PCDH15: variants seen among roughly 807,000 people sequenced by gnomAD.
PCDH15 encodes protocadherin-15.
PCDH15 carries 129 observed loss-of-function variants against 178.5 expected under a neutral mutation model. That is an observed-to-expected ratio of 0.72 (90% CI 0.63 to 0.84). PCDH15 has a LOEUF of 0.84. Among genes scored for constraint, PCDH15 ranks in the 40% least tolerant of loss-of-function variants. The probability of loss-of-function intolerance (pLI) is 0.00; values close to 1 mark genes in which losing one functional copy is unlikely to be tolerated. For missense variants in PCDH15, 2,230 were observed against 2,099.9 expected, an observed-to-expected ratio of 1.06 and a Z score of -1.21; for synonymous variants, 800 against 732.0, an observed-to-expected ratio of 1.09 and a Z score of -1.50.
At chr10:55,097,856 T>A (rs545080827) in intron 2 of PCDH15, among the ~76,000 whole-genome samples, 3 of 152,264 alleles carry the variant, frequency 2.0e-5, no homozygotes, top group African/African-American at 7.2e-5. Flanking sequence ...CTTTAAAGAC[T>A]GACTTTCATC....
chr10:55,245,431 T>C (rs949235281), intron 1 of PCDH15, among the ~76,000 whole-genome samples: 9 of 152,182 alleles, frequency 5.9e-5, no homozygotes, highest in South Asian at 2.1e-4. Context: ...TTAACTACCA[T>C]TGAGCTATTG....
At chr10:54,971,272 C>T (rs1230332405) in intron 2 of PCDH15, among the ~76,000 whole-genome samples, 1 of 152,060 alleles carries the variant, frequency 6.6e-6, no homozygotes, top group Non-Finnish European at 1.5e-5. Context: ...TGAGAGCAAG[C>T]CATCATGGTT....
intron 2 of PCDH15, among the ~76,000 whole-genome samples, chr10:54,921,685 G>T (rs1432901417): frequency 1.3e-5 from 2 of 152,136 alleles, no homozygotes. Context: ...TGGCTGCATA[G>T]TATTCCATAA....
chr10:54,482,491 A>G (rs1182775381), intron 3 of PCDH15, among the ~76,000 whole-genome samples: 1 of 151,774 alleles, frequency 6.6e-6, no homozygotes, highest in Non-Finnish European at 1.5e-5. Flanking sequence ...TAGAGAGTGT[A>G]TTTATTTAGA....
intron 2 of PCDH15, among the ~76,000 whole-genome samples, chr10:55,062,559 A>T (rs1417256650): frequency 5.9e-5 from 9 of 152,188 alleles, no homozygotes; most frequent in Admixed American, 5.9e-4. Flanking sequence ...CAGTGAAATG[A>T]TCAGTAATTG....
chr10:54,743,818 GA>G (rs60531822), intron 1 of PCDH15, among the ~76,000 whole-genome samples: 5,466 of 148,070 alleles, frequency 0.037, 341 homozygotes, highest in African/African-American at 0.13. Flanking sequence ...TTAGAAAAAA[GA>G]AAAAAAAAGA....
At chr10:54,672,430 T>C (rs939408108) in intron 1 of PCDH15, among the ~76,000 whole-genome samples, 1 of 152,092 alleles carries the variant, frequency 6.6e-6, no homozygotes, top group African/African-American at 2.4e-5. Context: ...TAACAAGATA[T>C]CACTTTATTG....
chr10:54,123,635 T>C (rs1197233739), intron 15 of PCDH15, among the ~76,000 whole-genome samples: 1 of 152,000 alleles, frequency 6.6e-6, no homozygotes, highest in African/African-American at 2.4e-5. Context: ...GAACTAAAAA[T>C]AGAACTACCA....
At chr10:54,090,885 G>A (rs74575294) in intron 15 of PCDH15, among the ~76,000 whole-genome samples, 1 of 152,214 alleles carries the variant, frequency 6.6e-6, no homozygotes, top group African/African-American at 2.4e-5. Context: ...CAATACAAAT[G>A]TTAATAGATG....
In PCDH15 at chr10:53,812,870, G is replaced by A. The variant is rs572251978; in HGVS notation, c.4492-1251C>T. 2.6e-5 allele frequency among the ~76,000 whole-genome samples: 4 copies of A among 152,196 alleles called. No homozygotes were observed. The East Asian group carries it at 7.7e-4, about 29-fold the overall frequency. On this transcript the variant is annotated intron_variant, in intron 35 of 37. Coordinates refer to ENST00000644397, the MANE Select transcript of PCDH15 (RefSeq NM_001384140.1). ...TTATTTATAAAAATTTAATTTTGTT[G>A]ATCCAGGAATAGTAATGAGTCAGGA...
chr10:54,040,963 C>T (rs1053322373), intron 18 of PCDH15, among the ~76,000 whole-genome samples: 38 of 152,084 alleles, frequency 2.5e-4, no homozygotes, highest in African/African-American at 8.9e-4. Flanking sequence ...CCTTTTGGAT[C>T]TCACATGAAT....
At chr10:55,431,516 T>G (rs1334525) in intron 2 of PCDH15, among the ~76,000 whole-genome samples, 116,974 of 152,084 alleles carry the variant, frequency 0.77, 46,281 homozygotes, top group East Asian at 1. Context: ...CTTAAAAACT[T>G]TAGCTAATTG....
chr10:55,600,396 G>A (rs766405865), intron 2 of PCDH15, among the ~76,000 whole-genome samples: 11 of 151,840 alleles, frequency 7.2e-5, no homozygotes, highest in South Asian at 2.1e-4. Flanking sequence ...GGTGACCTTG[G>A]AGCATAATTC....
At chr10:54,960,476 G>A (rs1838616052) in intron 2 of PCDH15, among the ~76,000 whole-genome samples, 1 of 152,096 alleles carries the variant, frequency 6.6e-6, no homozygotes, top group African/African-American at 2.4e-5. Flanking sequence ...CCTCCATAGA[G>A]AGCTAATAAA....
At chr10:54,252,776 A>AT (rs944351113) in intron 8 of PCDH15, among the ~76,000 whole-genome samples, 3,606 of 148,788 alleles carry the variant, frequency 0.024, 124 homozygotes, top group African/African-American at 0.083. Context: ...TTTTCTCAGG[A>AT]TTTTTTTTTT....
At chr10:53,866,189 C>T (rs1353272387) in intron 27 of PCDH15, among the ~76,000 whole-genome samples, 2 of 152,038 alleles carry the variant, frequency 1.3e-5, no homozygotes, top group Non-Finnish European at 2.9e-5. Flanking sequence ...TGTCCCCAAA[C>T]ATTTTCTTTG....
At chr10:54,920,405 C>G (rs1837455196) in intron 2 of PCDH15, among the ~76,000 whole-genome samples, 1 of 131,568 alleles carries the variant, frequency 7.6e-6, no homozygotes, top group African/African-American at 2.9e-5. Flanking sequence ...GGAGGCGGAG[C>G]TTGCAGTGAG....
rs1018557583 is a variant in PCDH15, at chr10:53,986,684, C to T, written c.2868+8965G>A. ...GTACTGCCATTTGTAACAATGTGAA[C>T]GAATCTTGAGGACATTATGGTAAGT... On this transcript the variant is annotated intron_variant, in intron 21 of 37. Transcript: ENST00000644397. Among the ~76,000 whole-genome samples, 75 of 152,232 alleles carry T rather than the reference C, an allele frequency of 4.9e-4. 1 individual carries two copies. The highest frequency in any genetic ancestry group is 1.8e-3 in the African/African-American group (73 of 41,532).
intron 15 of PCDH15, among the ~76,000 whole-genome samples, chr10:54,129,601 A>G (rs1028896728): frequency 4.6e-5 from 7 of 152,170 alleles, no homozygotes; most frequent in African/African-American, 4.8e-5. Flanking sequence ...TAATGATACC[A>G]TAAGTAAAGA....
Sources: gnomAD v4.1 joint callset for allele counts (sites outside exome capture counted in the v4.1 genomes callset) on GRCh38, gnomAD v4.1.1 for gene constraint, MANE v1.5 for transcripts, NCBI Gene and HGNC (gene_info 2026-07-23, HGNC 2026-07-21) for gene names.